The following CADM2 variants were observed in gnomAD, a reference collection of about 807,000 sequenced individuals.
CADM2 encodes the protein cell adhesion molecule 2, also known as immunoglobulin superfamily member 4D.
In CADM2, 12 loss-of-function variants were observed where a neutral mutation model predicts 49.8. That is an observed-to-expected ratio of 0.24 (90% confidence interval 0.15 to 0.39). The LOEUF is 0.39. Among genes scored for constraint, CADM2 ranks in the 10% least tolerant of loss-of-function variants. The pLI is 1.00. For missense variants in CADM2, 378 were observed against 492.3 expected, an observed-to-expected ratio of 0.77 and a Z score of 2.20; for synonymous variants, 214 against 175.4, an observed-to-expected ratio of 1.22 and a Z score of -1.74.
At chr3:85,460,414 G>T (rs77419569) in intron 1 of CADM2, among the ~76,000 whole-genome samples, 2,538 of 152,120 alleles carry the variant, frequency 0.017, 29 homozygotes, top group Non-Finnish European at 0.026. Context: ...CACACTTATT[G>T]ATCTATAATT....
At chr3:85,951,048 A>T (rs1283397947) in intron 7 of CADM2, among the ~76,000 whole-genome samples, 1 of 150,968 alleles carries the variant, frequency 6.6e-6, no homozygotes, top group East Asian at 2.0e-4. Context: ...TGGCAACAGG[A>T]GTCTTTGGGA....
chr3:85,039,876 G>A (rs2035370225), intron 1 of CADM2, among the ~76,000 whole-genome samples: 1 of 152,068 alleles, frequency 6.6e-6, no homozygotes, highest in African/African-American at 2.4e-5. Context: ...AAGAAAAAAC[G>A]GCTTCACCCA....
At chr3:86,020,444 T>A (rs1238681305) in intron 8 of CADM2, among the ~76,000 whole-genome samples, 3 of 151,950 alleles carry the variant, frequency 2.0e-5, no homozygotes, top group Non-Finnish European at 4.4e-5. Flanking sequence ...CTGAAACTAC[T>A]CCAATCAATA....
At chr3:85,238,607 A>G (rs955020785) in intron 1 of CADM2, among the ~76,000 whole-genome samples, 1 of 151,970 alleles carries the variant, frequency 6.6e-6, no homozygotes, top group Admixed American at 6.6e-5. Context: ...GACAGTGAAC[A>G]AATGCTTGAC....
intron 1 of CADM2, among the ~76,000 whole-genome samples, chr3:85,373,729 T>C (rs982498420): frequency 2.0e-5 from 3 of 152,200 alleles, no homozygotes; most frequent in Non-Finnish European, 2.9e-5. Context: ...AATTCTTGAC[T>C]TCTATGCACC....
intron 1 of CADM2, among the ~76,000 whole-genome samples, chr3:85,668,295 C>CAAAAAAAAAAAAAAAAAAAAGAAA (rs11447925): frequency 1.2e-5 from 1 of 81,774 alleles, no homozygotes; most frequent in Non-Finnish European, 2.5e-5. Flanking sequence ...AGTACCAAAG[C>CAAAAAAAAAAAAAAAAAAAAGAAA]AAAAAAAAAA....
At chr3:85,059,578 A>G (rs1030836198) in intron 1 of CADM2, among the ~76,000 whole-genome samples, 4 of 152,148 alleles carry the variant, frequency 2.6e-5, no homozygotes, top group African/African-American at 9.7e-5. Flanking sequence ...AACTCCCACA[A>G]TTCCCATATG....
intron 1 of CADM2, among the ~76,000 whole-genome samples, chr3:85,183,738 A>G (rs1020788694): frequency 6.6e-6 from 1 of 152,198 alleles, no homozygotes; most frequent in African/African-American, 2.4e-5. Context: ...TACTCATTAA[A>G]GACTTGAAGA....
chr3:85,075,192 C>A (rs2036897834), intron 1 of CADM2, among the ~76,000 whole-genome samples: 1 of 151,074 alleles, frequency 6.6e-6, no homozygotes, highest in South Asian at 2.1e-4. Flanking sequence ...TTAAAATGTA[C>A]CTAATTTAGT....
At chr3:85,021,496 C>T (rs1384104281) in intron 1 of CADM2, among the ~76,000 whole-genome samples, 7 of 152,056 alleles carry the variant, frequency 4.6e-5, no homozygotes, top group South Asian at 2.1e-4. Context: ...ATACGCAGGC[C>T]GAGTGCAGTG....
chr3:85,279,115 A>T (rs1330126347), intron 1 of CADM2, among the ~76,000 whole-genome samples: 1 of 151,478 alleles, frequency 6.6e-6, no homozygotes, highest in African/African-American at 2.4e-5. Flanking sequence ...ATTAATAAGA[A>T]ACAATGGTAT....
intron 2 of CADM2, among the ~76,000 whole-genome samples, chr3:85,767,219 T>C (rs2069703146): frequency 6.6e-6 from 1 of 152,068 alleles, no homozygotes; most frequent in Admixed American, 6.6e-5. Context: ...TATTACCGGG[T>C]TTACCATGAT....
intron 1 of CADM2, among the ~76,000 whole-genome samples, chr3:85,482,692 T>A (rs1163908352): frequency 6.6e-6 from 1 of 151,712 alleles, no homozygotes; most frequent in African/African-American, 2.4e-5. Flanking sequence ...TAGGTTAATA[T>A]TCATGAGGTA....
intron 8 of CADM2, among the ~76,000 whole-genome samples, chr3:85,980,273 A>G (rs1727315355): frequency 6.6e-6 from 1 of 151,518 alleles, no homozygotes; most frequent in African/African-American, 2.4e-5. Context: ...GGTTATGTTT[A>G]GCATTATTAT....
At chr3:85,567,095 T>C (rs1371692342) in intron 1 of CADM2, among the ~76,000 whole-genome samples, 1 of 152,202 alleles carries the variant, frequency 6.6e-6, no homozygotes, top group Non-Finnish European at 1.5e-5. Context: ...CTTCAATTTC[T>C]GTATTGTATC....
At chr3:85,482,130 C>T (rs1330899993) in intron 1 of CADM2, among the ~76,000 whole-genome samples, 1 of 151,546 alleles carries the variant, frequency 6.6e-6, no homozygotes, top group East Asian at 1.9e-4. Flanking sequence ...GCCTTTATTC[C>T]TAGGGCATGC....
chr3:85,682,944 T>A (rs2066081451), intron 1 of CADM2, among the ~76,000 whole-genome samples: 4 of 152,092 alleles, frequency 2.6e-5, no homozygotes, highest in Admixed American at 2.6e-4. Flanking sequence ...TAGGTGTGAA[T>A]AATATGCCCA....
At chr3:84,998,178 A>G (rs1187227521) in intron 1 of CADM2, among the ~76,000 whole-genome samples, 1 of 152,124 alleles carries the variant, frequency 6.6e-6, no homozygotes, top group Non-Finnish European at 1.5e-5. Flanking sequence ...CTATTTTTAT[A>G]ATGAGGCTCA....
chr3:85,796,100 C>T (rs1559662847), intron 2 of CADM2, among the ~76,000 whole-genome samples: 1 of 152,162 alleles, frequency 6.6e-6, no homozygotes, highest in Non-Finnish European at 1.5e-5. Flanking sequence ...AGCAAACAGT[C>T]TTATTTATGT....
Sources: allele counts gnomAD v4.1 joint callset (sites outside exome capture counted in the v4.1 genomes callset), GRCh38; gene constraint gnomAD v4.1.1; transcripts MANE v1.5; gene names NCBI Gene and HGNC (gene_info 2026-07-23, HGNC 2026-07-21).